PGCKA1: variants seen among roughly 807,000 people sequenced by gnomAD.
PGCKA1 encodes the protein PDCD10 and GCKIII kinases associated 1.
chr4:37,551,300 G>A, the PGCKA1 span, among the ~76,000 whole-genome samples: 1,265 of 152,118 alleles, frequency 8.3e-3, 19 homozygotes, highest in African/African-American at 0.029. Context: ...AAAACGAAGC[G>A]TAGCCATAGG....
the PGCKA1 span, among the ~76,000 whole-genome samples, chr4:37,466,630 T>C: frequency 6.6e-6 from 1 of 152,124 alleles, no homozygotes; most frequent in Non-Finnish European, 1.5e-5. Context: ...GAGGCAATTA[T>C]AGAGTGAGAA....
the PGCKA1 span, among the ~76,000 whole-genome samples, chr4:37,512,357 C>T: frequency 6.6e-6 from 1 of 152,068 alleles, no homozygotes; most frequent in Admixed American, 6.5e-5. Flanking sequence ...ATTAAATGGC[C>T]TTAGTGTCCT....
At chr4:37,516,571 G>A in the PGCKA1 span, among the ~76,000 whole-genome samples, 2 of 152,082 alleles carry the variant, frequency 1.3e-5, no homozygotes, top group Non-Finnish European at 2.9e-5. Context: ...ATCTTAATAA[G>A]TTCCAGAGGT....
the PGCKA1 span, among the ~76,000 whole-genome samples, chr4:37,511,117 T>A: frequency 1.3e-5 from 2 of 151,900 alleles, no homozygotes; most frequent in Non-Finnish European, 2.9e-5. Flanking sequence ...ACTTTTTCTA[T>A]CCCAGGGCAG....
the PGCKA1 span, among the ~76,000 whole-genome samples, chr4:37,489,644 A>G: frequency 6.6e-6 from 1 of 152,178 alleles, no homozygotes; most frequent in South Asian, 2.1e-4. Flanking sequence ...TTATGTAAGG[A>G]GCACACCAAT....
At chr4:37,481,918 T>G in the PGCKA1 span, among the ~76,000 whole-genome samples, 11 of 152,172 alleles carry the variant, frequency 7.2e-5, no homozygotes, top group East Asian at 9.6e-4. Flanking sequence ...TCTCATGAGA[T>G]CTGATGGTTT....
chr4:37,499,006 CT>C, the PGCKA1 span, among the ~76,000 whole-genome samples: 1 of 152,024 alleles, frequency 6.6e-6, no homozygotes, highest in Non-Finnish European at 1.5e-5. Flanking sequence ...CCTTCAATGC[CT>C]AGTTTATTGA....
the PGCKA1 span, among the ~76,000 whole-genome samples, chr4:37,467,233 CTTAG>C: frequency 3.9e-5 from 6 of 152,250 alleles, no homozygotes; most frequent in Middle Eastern, 0.01. Context: ...GAAAAATGCA[CTTAG>C]TGTTTCATTT....
the PGCKA1 span, among the ~76,000 whole-genome samples, chr4:37,565,412 C>G: frequency 6.6e-6 from 1 of 152,158 alleles, no homozygotes; most frequent in African/African-American, 2.4e-5. Flanking sequence ...CGGGCAGCCT[C>G]TGGATCTGGG....
the PGCKA1 span, among the ~76,000 whole-genome samples, chr4:37,479,716 G>A: frequency 6.6e-6 from 1 of 152,190 alleles, no homozygotes; most frequent in African/African-American, 2.4e-5. Flanking sequence ...GCCCAAAGAG[G>A]AAGATAGTTC....
chr4:37,586,710 G>A, the PGCKA1 span, among the ~76,000 whole-genome samples: 1 of 152,176 alleles, frequency 6.6e-6, no homozygotes, highest in Non-Finnish European at 1.5e-5. Context: ...AGGAGTTCAA[G>A]ACCAGCCTGG....
chr4:37,530,496 C>T, the PGCKA1 span, among the ~76,000 whole-genome samples: 1 of 146,768 alleles, frequency 6.8e-6, no homozygotes, highest in African/African-American at 2.5e-5. Flanking sequence ...ATCGCTTGAA[C>T]CCAGAAGACA....
chr4:37,517,936 T>A, the PGCKA1 span, among the ~76,000 whole-genome samples: 1 of 152,326 alleles, frequency 6.6e-6, no homozygotes, highest in East Asian at 1.9e-4. Flanking sequence ...CAGCCCCTGA[T>A]AACCATCCTT....
At chr4:37,527,485 A>AT in the PGCKA1 span, among the ~76,000 whole-genome samples, 1 of 151,984 alleles carries the variant, frequency 6.6e-6, no homozygotes. Flanking sequence ...TTTATACCGC[A>AT]TTTTTACTGT....
the PGCKA1 span, among the ~76,000 whole-genome samples, chr4:37,586,040 T>G: frequency 2.0e-5 from 3 of 151,594 alleles, no homozygotes; most frequent in Non-Finnish European, 4.4e-5. Flanking sequence ...TTTTTCTTTT[T>G]GGGGGGTGTG....
the PGCKA1 span, among the ~76,000 whole-genome samples, chr4:37,465,515 C>T: frequency 6.6e-6 from 1 of 152,090 alleles, no homozygotes; most frequent in Non-Finnish European, 1.5e-5. Context: ...GCTGATATGG[C>T]TTGGGGGGAT....
the PGCKA1 span, among the ~76,000 whole-genome samples, chr4:37,567,689 G>A: frequency 1.8e-4 from 27 of 151,622 alleles, no homozygotes; most frequent in Non-Finnish European, 3.4e-4. Context: ...ACACACACAC[G>A]ACTATACGCT....
At chr4:37,544,260 G>A in the PGCKA1 span, among the ~76,000 whole-genome samples, 19 of 152,182 alleles carry the variant, frequency 1.2e-4, no homozygotes, top group African/African-American at 4.3e-4. Context: ...GTTTCCCTGG[G>A]AGGCTACTGG....
At chr4:37,521,959 A>G in the PGCKA1 span, among the ~76,000 whole-genome samples, 5 of 152,150 alleles carry the variant, frequency 3.3e-5, no homozygotes, top group African/African-American at 1.2e-4. Flanking sequence ...GTCTCTTCTT[A>G]TAGTTTTTGT....
Sources: gnomAD v4.1 joint callset for allele counts (sites outside exome capture counted in the v4.1 genomes callset) on GRCh38, gnomAD v4.1.1 for gene constraint, MANE v1.5 for transcripts, NCBI Gene and HGNC (gene_info 2026-07-23, HGNC 2026-07-21) for gene names.